The following TMCO5A variants were observed in gnomAD, a reference collection of about 807,000 sequenced individuals.
The protein encoded by TMCO5A is transmembrane and coiled-coil domains 5A, also known as transmembrane and coiled-coil domain-containing protein 5A.
In TMCO5A, 34 loss-of-function variants were observed where a neutral mutation model predicts 42.3. The observed-to-expected ratio is 0.80, with a 90% confidence interval of 0.61 to 1.07. The LOEUF (loss-of-function observed/expected upper bound fraction) is 1.07. TMCO5A is among the 50% of genes least tolerant of loss of function. TMCO5A has a pLI of 0.00. For missense variants in TMCO5A, 357 were observed against 327.9 expected (o/e 1.09, Z -0.69); for synonymous variants, 131 against 115.6 (o/e 1.13, Z -0.86).
intron 10 of TMCO5A, among the ~76,000 whole-genome samples, chr15:37,946,044 A>G (rs773830383): frequency 2.6e-5 from 4 of 152,082 alleles, no homozygotes; most frequent in Non-Finnish European, 5.9e-5. Flanking sequence ...TAATTTTTGT[A>G]TATTATGTAA....
the TMCO5A span, among the ~76,000 whole-genome samples, chr15:38,014,639 G>A: frequency 2.0e-5 from 3 of 151,880 alleles, no homozygotes; most frequent in African/African-American, 7.3e-5. Flanking sequence ...GTGCACACAT[G>A]TTCTACCCCC....
At chr15:37,955,023 A>T (rs756319894), downstream of TMCO5A, among the ~76,000 whole-genome samples, 2 of 151,676 alleles carry the variant, frequency 1.3e-5, no homozygotes, top group Non-Finnish European at 1.5e-5. Context: ...AGACAGGAAG[A>T]AAAGAAAGAA....
chr15:37,943,110 T>C (rs1019103106), intron 9 of TMCO5A: 5 of 384,684 alleles, frequency 1.3e-5, no homozygotes, highest in Non-Finnish European at 2.3e-5. Context: ...GAATTTTCTG[T>C]GCTAGTTAGT....
intron 11 of TMCO5A, among the ~76,000 whole-genome samples, chr15:37,960,749 T>G (rs1890403131): frequency 6.6e-6 from 1 of 152,190 alleles, no homozygotes; most frequent in Non-Finnish European, 1.5e-5. Flanking sequence ...GGTATCACAT[T>G]GTGGTTTTGA....
At chr15:38,018,435 T>C in the TMCO5A span, among the ~76,000 whole-genome samples, 1 of 152,268 alleles carries the variant, frequency 6.6e-6, no homozygotes, top group East Asian at 1.9e-4. Flanking sequence ...GGAGAACAAG[T>C]GCACTCTAGA....
At chr15:38,008,398 G>A in the TMCO5A span, among the ~76,000 whole-genome samples, 210 of 152,214 alleles carry the variant, frequency 1.4e-3, no homozygotes, top group Non-Finnish European at 2.2e-3. Context: ...ATAGAGGGAA[G>A]GGGGAAATCA....
chr15:38,035,664 C>G, the TMCO5A span, among the ~76,000 whole-genome samples: 156 of 152,234 alleles, frequency 1.0e-3, no homozygotes, highest in Middle Eastern at 3.4e-3. Context: ...ATTGACCACC[C>G]AAAGGATGGA....
At chr15:37,971,821 T>A (rs1032508613), downstream of TMCO5A, among the ~76,000 whole-genome samples, 6 of 152,174 alleles carry the variant, frequency 3.9e-5, no homozygotes, top group Admixed American at 3.3e-4. Context: ...AAGTTCCTCA[T>A]CTCCATCTGA....
intron 8 of TMCO5A, 37 bp downstream of exon 8, chr15:37,941,767 T>C (rs1356710247): frequency 4.6e-6 from 7 of 1,528,136 alleles, no homozygotes; most frequent in Non-Finnish European, 6.3e-6. Flanking sequence ...AAAGGGTTTA[T>C]TAAGGTACAG....
chr15:37,983,825 A>G, the TMCO5A span, among the ~76,000 whole-genome samples: 3 of 151,700 alleles, frequency 2.0e-5, no homozygotes, highest in Non-Finnish European at 4.4e-5. Context: ...CCCAGATTCA[A>G]GTGATTCTCC....
the TMCO5A span, among the ~76,000 whole-genome samples, chr15:38,022,535 G>A: frequency 6.6e-5 from 10 of 152,204 alleles, no homozygotes; most frequent in Non-Finnish European, 1.2e-4. Flanking sequence ...GGATTTTTAG[G>A]GCACTGAAAA....
At chr15:38,036,492 T>A in the TMCO5A span, among the ~76,000 whole-genome samples, 16 of 86,810 alleles carry the variant, frequency 1.8e-4, no homozygotes, top group African/African-American at 9.2e-4. Flanking sequence ...TGTCTCTCTC[T>A]CTCTCACACA....
the TMCO5A span, among the ~76,000 whole-genome samples, chr15:37,997,525 T>C: frequency 6.6e-6 from 1 of 152,250 alleles, no homozygotes; most frequent in Admixed American, 6.5e-5. Flanking sequence ...CCCATGTTAT[T>C]GCAAATGACA....
chr15:37,971,460 C>G (rs1037873468), downstream of TMCO5A, among the ~76,000 whole-genome samples: 1 of 152,232 alleles, frequency 6.6e-6, no homozygotes, highest in Non-Finnish European at 1.5e-5. Flanking sequence ...AGACCTCTGA[C>G]ATGCTTAGAG....
rs201595056 is a variant in TMCO5A at position 37,958,786 on chromosome 15, T to C, written c.669-7839T>C. 1.9e-4 allele frequency among the ~76,000 whole-genome samples: 29 copies of C among 151,916 alleles called. No individual in the cohort carries two copies. The East Asian group carries it at 4.9e-3, about 25-fold the overall frequency. Reference sequence around the variant, plus strand: ...ATTACTGGGTATATACCCAATGGACTATAAATCATTCTACTAAAAAGACAC... The same window carrying C: ...ATTACTGGGTATATACCCAATGGACCATAAATCATTCTACTAAAAAGACAC... On this transcript the variant is annotated intron_variant, in intron 11 of 11. Transcript: ENST00000559502.
the TMCO5A span, among the ~76,000 whole-genome samples, chr15:38,021,463 T>C: frequency 6.6e-3 from 2 of 304 alleles, no homozygotes; most frequent in Non-Finnish European, 0.017. Context: ...GAAGGGTGCA[T>C]GTGGGGGGAT....
chr15:38,033,912 TC>T, the TMCO5A span, among the ~76,000 whole-genome samples: 4 of 152,064 alleles, frequency 2.6e-5, no homozygotes, highest in Admixed American at 2.0e-4. Context: ...CCACACCTGG[TC>T]CCCCTCCATG....
intron 11 of TMCO5A, among the ~76,000 whole-genome samples, chr15:37,957,420 A>G (rs2140807393): frequency 6.8e-6 from 1 of 146,544 alleles, no homozygotes; most frequent in Middle Eastern, 3.5e-3. Context: ...AATGTGCAAA[A>G]ATCACAAGCA....
At chr15:37,965,807 G>T (rs572980664) in intron 11 of TMCO5A, among the ~76,000 whole-genome samples, 1 of 152,288 alleles carries the variant, frequency 6.6e-6, no homozygotes, top group South Asian at 2.1e-4. Flanking sequence ...TTGTTAGTGG[G>T]AATGTAAGTT....
Sources: gnomAD v4.1 joint callset for allele counts (sites outside exome capture counted in the v4.1 genomes callset) on GRCh38, gnomAD v4.1.1 for gene constraint, MANE v1.5 for transcripts, NCBI Gene and HGNC (gene_info 2026-07-23, HGNC 2026-07-21) for gene names.